TAX1BP1: variants seen among roughly 807,000 people sequenced by gnomAD.
TAX1BP1 encodes Tax1 binding protein 1, also known as tax1-binding protein 1.
TAX1BP1 carries 62 observed loss-of-function variants against 97.7 expected under a neutral mutation model. The observed-to-expected ratio is 0.63, with a 90% CI of 0.52 to 0.78. TAX1BP1 has a LOEUF of 0.78. Ranked by LOEUF, TAX1BP1 falls within the 30% of genes least tolerant of loss-of-function variation. The probability of loss-of-function intolerance (pLI) is 0.00; values close to 1 mark genes in which losing one functional copy is unlikely to be tolerated. For missense variants in TAX1BP1, 867 were observed against 916.1 expected (o/e 0.95, Z 0.69); for synonymous variants, 340 against 304.2 (o/e 1.12, Z -1.23).
chr7:27,797,940 C>T (rs1789998053), intron 12 of TAX1BP1, among the ~76,000 whole-genome samples: 1 of 151,628 alleles, frequency 6.6e-6, no homozygotes, highest in East Asian at 1.9e-4. Flanking sequence ...TTGACATACA[C>T]AGTTGTGAAA....
rs756753427 is a variant in TAX1BP1 at position 27,828,875 on chromosome 7, A to AC, written c.*46_*47insC. 3.3e-5 allele frequency: 49 copies of AC among 1,504,838 alleles called. No individual in the cohort carries two copies. Among genetic ancestry groups the AC allele is most frequent in the Non-Finnish European group, 4.2e-5 (47 of 1,113,120 alleles). 93.2% of individuals were successfully genotyped at this position (1,504,838 alleles called of 1,614,324 possible). On this transcript the variant is annotated 3_prime_UTR_variant, in exon 17 of 17. Transcript: ENST00000396319. ...ATATAGTTTAGCAGTAAAAAAAAAA[A>AC]AAAAAACCACACCTAAAATAGACCA...
At chr7:27,748,161 G>C (rs1416616332) in intron 1 of TAX1BP1, among the ~76,000 whole-genome samples, 1 of 152,156 alleles carries the variant, frequency 6.6e-6, no homozygotes, top group African/African-American at 2.4e-5. Flanking sequence ...GTTACTAGGA[G>C]CCAGCAGGTT....
chr7:27,773,000 C>G (rs561080370), intron 5 of TAX1BP1, among the ~76,000 whole-genome samples: 1 of 152,052 alleles, frequency 6.6e-6, no homozygotes, highest in Non-Finnish European at 1.5e-5. Flanking sequence ...CTCCCCTCCT[C>G]TCTTGAAAAA....
intron 13 of TAX1BP1, among the ~76,000 whole-genome samples, chr7:27,806,983 T>G (rs1200086158): frequency 6.6e-6 from 1 of 152,172 alleles, no homozygotes; most frequent in Non-Finnish European, 1.5e-5. Flanking sequence ...TTTTAAAGTT[T>G]ATTCCTAAGT....
intron 13 of TAX1BP1, among the ~76,000 whole-genome samples, chr7:27,808,359 C>G (rs1360166174): frequency 2.6e-5 from 4 of 152,190 alleles, no homozygotes; most frequent in Non-Finnish European, 5.9e-5. Context: ...AGACTAGGAA[C>G]CTGGTCTGAG....
chr7:27,798,879 T>C (rs1017298520), intron 12 of TAX1BP1, among the ~76,000 whole-genome samples: 1 of 151,650 alleles, frequency 6.6e-6, no homozygotes, highest in East Asian at 1.9e-4. Context: ...TATAGGGTTG[T>C]TCATCTTGAG....
upstream of TAX1BP1, chr7:27,739,580 G>C (rs1787488291): frequency 6.6e-6 from 1 of 152,170 alleles, no homozygotes; most frequent in Non-Finnish European, 1.5e-5. Flanking sequence ...CTAGAAAAGA[G>C]GCCTCTGCTG....
chr7:27,789,414 C>A (rs558894538), intron 8 of TAX1BP1, among the ~76,000 whole-genome samples: 15 of 151,172 alleles, frequency 9.9e-5, no homozygotes, highest in African/African-American at 3.4e-4. Flanking sequence ...TTTTTTAAAC[C>A]CTTTTCTTAC....
chr7:27,768,905 A>G (rs1788739887), intron 4 of TAX1BP1, among the ~76,000 whole-genome samples: 1 of 152,022 alleles, frequency 6.6e-6, no homozygotes. Context: ...TACCAATTAA[A>G]TGTATAATAC....
intron 3 of TAX1BP1, among the ~76,000 whole-genome samples, chr7:27,765,197 G>C (rs1029095456): frequency 6.7e-6 from 1 of 149,780 alleles, no homozygotes; most frequent in African/African-American, 2.5e-5. Context: ...TGTATTTTTT[G>C]TAGTGACAGG....
chr7:27,785,183 A>G lies in TAX1BP1; in HGVS notation c.633A>G (p.Gln211=). 4.3e-6 allele frequency: 7 copies of G among 1,610,760 alleles called. No individual in the cohort carries two copies. The highest frequency in any genetic ancestry group is 5.9e-6 in the Non-Finnish European group (7 of 1,178,832). The change falls in exon 6 of 17, where the codon CAA becomes CAG. Residue 211 remains glutamine (Q), a synonymous_variant. Coordinates refer to ENST00000396319, the MANE Select transcript of TAX1BP1 (RefSeq NM_006024.7). ...CTCAGGGTCTTACTGAAGTAACACA[A>G]AGCTTAAAAATGGAAAATGAAGAGT... The part of the protein sequence containing the change: ...AEQKGLTEVT[Q]SLKMENEEFK...
At chr7:27,744,158 G>A (rs528674691) in intron 1 of TAX1BP1, among the ~76,000 whole-genome samples, 1 of 151,486 alleles carries the variant, frequency 6.6e-6, no homozygotes, top group Non-Finnish European at 1.5e-5. Context: ...ACGGAGTCTC[G>A]CTGTCACCCA....
chr7:27,823,637 G>C (rs926056892), intron 15 of TAX1BP1, among the ~76,000 whole-genome samples: 1 of 152,186 alleles, frequency 6.6e-6, no homozygotes, highest in South Asian at 2.1e-4. Flanking sequence ...TATTGTGGTA[G>C]AATAAATATA....
chr7:27,813,923 G>T (rs1188602806), intron 13 of TAX1BP1, among the ~76,000 whole-genome samples: 1 of 151,902 alleles, frequency 6.6e-6, no homozygotes, highest in Non-Finnish European at 1.5e-5. Flanking sequence ...TTTGTTAGAA[G>T]ACAAATACTT....
intron 5 of TAX1BP1, among the ~76,000 whole-genome samples, chr7:27,780,711 G>A (rs901812559): frequency 2.0e-5 from 3 of 152,056 alleles, no homozygotes; most frequent in Non-Finnish European, 4.4e-5. Context: ...AATACATGGG[G>A]TGATGATTAT....
At chr7:27,749,966 T>C (rs1787962153) in intron 2 of TAX1BP1, among the ~76,000 whole-genome samples, 2 of 152,092 alleles carry the variant, frequency 1.3e-5, no homozygotes, top group South Asian at 4.1e-4. Context: ...ATTTTTAAAA[T>C]TTTTTGTAGA....
chr7:27,793,189 A>G lies in TAX1BP1; in HGVS notation c.1387A>G (p.Ile463Val), dbSNP rs1194255662. Residue 463 changes from isoleucine (I) to valine (V), a missense_variant, in exon 10 of 17, where the codon ATA (isoleucine) becomes GTA (valine). Ile to Val is a conservative substitution (Grantham distance 29). This residue lies in a region of TAX1BP1 where 822 missense variants were observed against 851.4 expected (regional missense o/e 0.97). Transcript: ENST00000396319. ...GGAATGCCAAAGGCTCCAAAAACAA[A>G]TAAACAAACTTTCAGATCAATCAGT... ...FKECQRLQKQINKLSDQSANN... is the reference protein window; with the variant it reads ...FKECQRLQKQVNKLSDQSANN... 7 of 1,587,882 alleles carry G rather than the reference A, an allele frequency of 4.4e-6. No individual in the cohort carries two copies. The highest frequency in any genetic ancestry group is 6.0e-6 in the Non-Finnish European group (7 of 1,174,178).
intron 11 of TAX1BP1, among the ~76,000 whole-genome samples, chr7:27,795,842 T>C (rs1051451249): frequency 6.6e-6 from 1 of 152,184 alleles, no homozygotes; most frequent in Non-Finnish European, 1.5e-5. Flanking sequence ...TGAGCCACCG[T>C]GCCCGGCCGC....
chr7:27,812,646 GT>G (rs1790601438), intron 13 of TAX1BP1, among the ~76,000 whole-genome samples: 1 of 152,000 alleles, frequency 6.6e-6, no homozygotes, highest in South Asian at 2.1e-4. Flanking sequence ...TGATCTATTT[GT>G]TTTTTATATG....
Sources: allele counts gnomAD v4.1 joint callset (sites outside exome capture counted in the v4.1 genomes callset), GRCh38; gene constraint gnomAD v4.1.1; regional missense constraint gnomAD v4.1.1; transcripts MANE v1.5; gene names NCBI Gene and HGNC (gene_info 2026-07-23, HGNC 2026-07-21).